Variants in EHBP1 observed in about 807,000 individuals in gnomAD.
EHBP1 encodes EH domain-binding protein 1.
EHBP1 carries 55 observed loss-of-function variants against 144.0 expected under a neutral mutation model. The observed-to-expected ratio is 0.38, with a 90% CI of 0.31 to 0.48. EHBP1 has a LOEUF of 0.48. Among genes scored for constraint, EHBP1 ranks in the 20% least tolerant of loss-of-function variants. EHBP1 has a pLI of 0.98. For synonymous variants in EHBP1, 469 were observed against 472.7 expected, an observed-to-expected ratio of 0.99 and a Z score of 0.10; for missense variants, 1,200 against 1,364.2, an observed-to-expected ratio of 0.88 and a Z score of 1.90.
At chr2:63,021,227 C>T (rs1372311400) in intron 19 of EHBP1, among the ~76,000 whole-genome samples, 2 of 151,970 alleles carry the variant, frequency 1.3e-5, no homozygotes, top group African/African-American at 2.4e-5. Context: ...ATACTCTCTC[C>T]GTCTCTCCCT....
intron 15 of EHBP1, among the ~76,000 whole-genome samples, chr2:62,989,005 T>C (rs1426444660): frequency 2.0e-5 from 3 of 152,284 alleles, no homozygotes; most frequent in South Asian, 2.1e-4. Context: ...AGAAAACTCA[T>C]GCCCTTTTGT....
intron 19 of EHBP1, among the ~76,000 whole-genome samples, chr2:63,023,329 A>G (rs1275995107): frequency 6.6e-6 from 1 of 152,202 alleles, no homozygotes; most frequent in East Asian, 1.9e-4. Context: ...AGATTAATCA[A>G]AATAGTGTGA....
chr2:62,724,867 C>T (rs999956993), intron 2 of EHBP1, among the ~76,000 whole-genome samples: 1 of 152,208 alleles, frequency 6.6e-6, no homozygotes, highest in Non-Finnish European at 1.5e-5. Context: ...GTGTACTGCT[C>T]ATGCAAGGGA....
chr2:62,936,085 CT>C (rs1209655326), intron 10 of EHBP1, among the ~76,000 whole-genome samples: 1 of 151,996 alleles, frequency 6.6e-6, no homozygotes. Flanking sequence ...TTAATTTTGC[CT>C]TTGCCTATTG....
At chr2:62,861,723 C>T (rs942063920) in intron 8 of EHBP1, among the ~76,000 whole-genome samples, 12 of 150,354 alleles carry the variant, frequency 8.0e-5, no homozygotes, top group Admixed American at 6.6e-4. Context: ...GCCTGGGCGA[C>T]AGAGTGAGTG....
At chr2:63,023,030 TG>T (rs2060823507) in intron 19 of EHBP1, among the ~76,000 whole-genome samples, 1 of 152,070 alleles carries the variant, frequency 6.6e-6, no homozygotes, top group African/African-American at 2.4e-5. Flanking sequence ...AATAATTAGC[TG>T]GGCGTGGTGG....
intron 7 of EHBP1, among the ~76,000 whole-genome samples, chr2:62,854,599 G>A (rs773712744): frequency 6.6e-6 from 1 of 152,176 alleles, no homozygotes; most frequent in Non-Finnish European, 1.5e-5. Context: ...ACAACCGGGT[G>A]GAGCAGTCAG....
intron 2 of EHBP1, among the ~76,000 whole-genome samples, chr2:62,708,133 C>T (rs1005880309): frequency 3.3e-5 from 5 of 152,042 alleles, no homozygotes; most frequent in African/African-American, 1.2e-4. Flanking sequence ...GACTGTAATT[C>T]AGGTCTGTAA....
intron 7 of EHBP1, among the ~76,000 whole-genome samples, chr2:62,838,475 A>G (rs1461495906): frequency 1.3e-5 from 2 of 152,168 alleles, no homozygotes; most frequent in Non-Finnish European, 2.9e-5. Flanking sequence ...GCAGAAGGCA[A>G]GAAACAACTA....
At chr2:62,966,414 A>G (rs1338485650) in intron 14 of EHBP1, among the ~76,000 whole-genome samples, 1 of 152,112 alleles carries the variant, frequency 6.6e-6, no homozygotes, top group Admixed American at 6.6e-5. Flanking sequence ...AAGCATGAGA[A>G]TTTGTGTTTG....
At chr2:62,999,107 T>C (rs1429358610) in intron 19 of EHBP1, among the ~76,000 whole-genome samples, 2 of 152,156 alleles carry the variant, frequency 1.3e-5, no homozygotes, top group African/African-American at 4.8e-5. Flanking sequence ...CCATGTTTTT[T>C]ATATGATGAG....
intron 10 of EHBP1, among the ~76,000 whole-genome samples, chr2:62,896,428 T>G (rs2052941598): frequency 6.6e-6 from 1 of 152,114 alleles, no homozygotes; most frequent in South Asian, 2.1e-4. Flanking sequence ...GCCAGTTAAG[T>G]TAGTGTATGT....
intron 2 of EHBP1, among the ~76,000 whole-genome samples, chr2:62,713,311 G>A (rs1216336450): frequency 1.3e-5 from 2 of 150,682 alleles, no homozygotes; most frequent in Non-Finnish European, 3.0e-5. Context: ...GGAGTGCAGT[G>A]GCTCATTGCA....
intron 6 of EHBP1, among the ~76,000 whole-genome samples, chr2:62,829,458 G>A (rs1290859863): frequency 6.6e-6 from 1 of 151,698 alleles, no homozygotes; most frequent in Non-Finnish European, 1.5e-5. Context: ...AACATACGAT[G>A]TTTGGTTTTT....
chr2:62,917,332 C>G (rs148840385), intron 10 of EHBP1, among the ~76,000 whole-genome samples: 2 of 152,138 alleles, frequency 1.3e-5, no homozygotes, highest in East Asian at 3.8e-4. Context: ...TGAAAAGATA[C>G]AGTAAAAATA....
chr2:62,943,376 C>CAAAAAAAAAAA, intron 11 of EHBP1, among the ~76,000 whole-genome samples: 1 of 87,850 alleles, frequency 1.1e-5, no homozygotes, highest in African/African-American at 4.7e-5. Flanking sequence ...AACTCCGTCT[C>CAAAAAAAAAAA]AAAAAAAAAA....
intron 4 of EHBP1, among the ~76,000 whole-genome samples, chr2:62,769,807 A>AG (rs1369412886): frequency 1.3e-5 from 2 of 149,578 alleles, no homozygotes; most frequent in African/African-American, 4.9e-5. Flanking sequence ...AAAAAAAAAA[A>AG]AAAAAAAAAG....
chr2:63,000,955 C>T (rs1378449651), intron 19 of EHBP1, among the ~76,000 whole-genome samples: 2 of 152,114 alleles, frequency 1.3e-5, no homozygotes, highest in Non-Finnish European at 2.9e-5. Context: ...GTATTCCAAG[C>T]TGACACTTCT....
At chr2:62,762,021 T>C (rs1425257016) in intron 3 of EHBP1, among the ~76,000 whole-genome samples, 1 of 152,160 alleles carries the variant, frequency 6.6e-6, no homozygotes, top group East Asian at 1.9e-4. Context: ...CTTCTCAAAC[T>C]CATACTCCTG....
Sources: gnomAD v4.1 joint callset for allele counts (sites outside exome capture counted in the v4.1 genomes callset) on GRCh38, gnomAD v4.1.1 for gene constraint, MANE v1.5 for transcripts, NCBI Gene and HGNC (gene_info 2026-07-23, HGNC 2026-07-21) for gene names.